The following PUDP variants were observed in gnomAD, a reference collection of about 807,000 sequenced individuals.
PUDP encodes the protein pseudouridine-5'-phosphatase.
PUDP carries 8 observed loss-of-function variants against 9.4 expected under a neutral mutation model. That is an observed-to-expected ratio of 0.85 (90% confidence interval 0.50 to 1.53). The LOEUF is 1.53. Ranked by LOEUF, PUDP falls within the 40% of genes most tolerant of loss-of-function variation. The pLI is 0.00. For missense variants in PUDP, 188 were observed against 189.7 expected (o/e 0.99, Z 0.05); for synonymous variants, 99 against 80.7 (o/e 1.23, Z -1.22).
intron 1 of PUDP, among the ~76,000 whole-genome samples, chrX:7,134,608 AT>A (rs1932697257): frequency 8.9e-6 from 1 of 112,266 alleles, no homozygotes; most frequent in African/African-American, 3.2e-5. Flanking sequence ...AGGGTAGCAA[AT>A]GGCAAAAAGT....
intron 1 of PUDP, among the ~76,000 whole-genome samples, chrX:6,720,572 C>G (rs1474449652): frequency 9.4e-6 from 1 of 106,548 alleles, no homozygotes; most frequent in Non-Finnish European, 1.9e-5. Flanking sequence ...TCTGGGGATG[C>G]AATCTACAGC....
intron 3 of PUDP, among the ~76,000 whole-genome samples, chrX:6,814,645 T>G (rs770242272): frequency 3.8e-4 from 42 of 110,867 alleles, no homozygotes; most frequent in African/African-American, 1.3e-3. Flanking sequence ...AGAAAATGTG[T>G]TTTTTTTGCT....
At chrX:6,852,508 C>T (rs976860799) in intron 3 of PUDP, among the ~76,000 whole-genome samples, 2 of 111,317 alleles carry the variant, frequency 1.8e-5, no homozygotes, top group African/African-American at 3.3e-5. Flanking sequence ...TCCTTAGGGT[C>T]TGTTTATAGC....
intron 3 of PUDP, among the ~76,000 whole-genome samples, chrX:6,899,034 T>G (rs762070378): frequency 1.8e-5 from 2 of 112,294 alleles, no homozygotes; most frequent in Non-Finnish European, 1.9e-5. Flanking sequence ...GATCCACTTG[T>G]TCTGTGTAGC....
At chrX:6,807,562 C>T (rs553769450) in intron 3 of PUDP, among the ~76,000 whole-genome samples, 201 of 112,193 alleles carry the variant, frequency 1.8e-3, no homozygotes, top group African/African-American at 6.0e-3. Flanking sequence ...GTTTGGACAT[C>T]AGTGAGTTTT....
At chrX:7,033,655 G>A (rs1393357876) in intron 1 of PUDP, among the ~76,000 whole-genome samples, 1 of 111,306 alleles carries the variant, frequency 9.0e-6, no homozygotes, top group Non-Finnish European at 1.9e-5. Context: ...AGAGCTCATG[G>A]TCTAGGGGTT....
At chrX:6,996,664 ATTT>A (rs201207141) in intron 1 of PUDP, among the ~76,000 whole-genome samples, 1 of 96,060 alleles carries the variant, frequency 1.0e-5, no homozygotes. Flanking sequence ...ATATATATAC[ATTT>A]TTTTTTTTTT....
intron 1 of PUDP, among the ~76,000 whole-genome samples, chrX:6,988,690 T>A (rs1929135304): frequency 9.0e-6 from 1 of 111,221 alleles, no homozygotes; most frequent in South Asian, 3.9e-4. Flanking sequence ...GGGAGTTTCT[T>A]CAGACCCCCA....
intron 1 of PUDP, among the ~76,000 whole-genome samples, chrX:7,015,992 T>A (rs1311715207): frequency 2.7e-5 from 3 of 110,008 alleles, no homozygotes; most frequent in Admixed American, 9.8e-5. Context: ...CTAGGACCCG[T>A]CATGGGGAAG....
chrX:6,877,109 A>T (rs2146737186), intron 3 of PUDP, among the ~76,000 whole-genome samples: 1 of 109,961 alleles, frequency 9.1e-6, no homozygotes, highest in Non-Finnish European at 1.9e-5. Context: ...GGCATGTGCC[A>T]CCATGCCTGG....
At chrX:7,133,968 C>T (rs898262927) in intron 1 of PUDP, among the ~76,000 whole-genome samples, 15 of 112,018 alleles carry the variant, frequency 1.3e-4, no homozygotes, top group African/African-American at 3.9e-4. Flanking sequence ...TCATGTTAAA[C>T]AGTGCAATGG....
chrX:6,720,771 G>A (rs768615507), intron 1 of PUDP, among the ~76,000 whole-genome samples: 5 of 110,634 alleles, frequency 4.5e-5, no homozygotes, highest in Admixed American at 9.7e-5. Context: ...AACCTCACAC[G>A]GTACACAGTA....
chrX:7,118,930 A>G (rs1932266211), intron 1 of PUDP, among the ~76,000 whole-genome samples: 1 of 112,014 alleles, frequency 8.9e-6, no homozygotes, highest in African/African-American at 3.2e-5. Context: ...AGGTTAAATA[A>G]ATCAGTAATC....
intron 3 of PUDP, among the ~76,000 whole-genome samples, chrX:6,944,125 T>C (rs2146778337): frequency 9.0e-6 from 1 of 110,768 alleles, no homozygotes; most frequent in Non-Finnish European, 1.9e-5. Flanking sequence ...TGGGAGGTGA[T>C]TGGATCATGG....
rs761252151 is a variant in PUDP at position 7,094,341 on chromosome X, T to C, written c.280+11279A>G. The stretch of plus-strand genomic sequence containing the variant: ...AGAGGAATAATGTCCATATACATCA[T>C]TGAATAAGCTGATTTTTTTTTTTTT... On this transcript the variant is annotated intron_variant, in intron 2 of 3. Transcript: ENST00000381077. Among the ~76,000 whole-genome samples, 4 of 103,450 alleles carry C rather than the reference T, an allele frequency of 3.9e-5. 1 individual carries two copies. In the South Asian group the frequency reaches 1.4e-3, roughly 36 times the overall value. 89.8% of individuals were successfully genotyped at this position (103,450 alleles called of 115,157 possible). A position where few individuals can be genotyped will look rare whatever the true frequency, so the allele number is the denominator to read the frequency against.
At chrX:6,898,186 C>T (rs1361671932) in intron 3 of PUDP, among the ~76,000 whole-genome samples, 1 of 112,232 alleles carries the variant, frequency 8.9e-6, no homozygotes, top group Non-Finnish European at 1.9e-5. Context: ...GCACATGAGT[C>T]CACAGGTCTT....
At chrX:7,054,017 C>T (rs1930170405) in intron 3 of PUDP, among the ~76,000 whole-genome samples, 1 of 112,131 alleles carries the variant, frequency 8.9e-6, no homozygotes, top group African/African-American at 3.2e-5. Flanking sequence ...CTACACACAA[C>T]ATGTAAGACA....
intron 1 of PUDP, among the ~76,000 whole-genome samples, chrX:6,712,364 TG>T (rs755844340): frequency 1.9e-4 from 21 of 111,585 alleles, no homozygotes; most frequent in African/African-American, 6.8e-4. Flanking sequence ...TTGGCCAGAA[TG>T]TCTCCAACTC....
intron 3 of PUDP, among the ~76,000 whole-genome samples, chrX:6,866,255 T>TG (rs1927083083): frequency 9.7e-6 from 1 of 103,227 alleles, no homozygotes; most frequent in Admixed American, 1.1e-4. Context: ...TTAAAATTTA[T>TG]GGTTTTTTTT....
Sources: allele counts gnomAD v4.1 joint callset (sites outside exome capture counted in the v4.1 genomes callset), GRCh38; gene constraint gnomAD v4.1.1; transcripts MANE v1.5; gene names NCBI Gene and HGNC (gene_info 2026-07-23, HGNC 2026-07-21).